Variants in FRMPD4 observed in about 807,000 individuals in gnomAD.
FRMPD4 encodes the protein FERM and PDZ domain containing 4.
A neutral mutation model predicts 94.1 loss-of-function variants in FRMPD4; 22 were observed. That is an observed-to-expected ratio of 0.23 (90% CI 0.17 to 0.33). The LOEUF (loss-of-function observed/expected upper bound fraction) is 0.33. FRMPD4 is among the 10% of genes least tolerant of loss of function. The pLI, the probability that FRMPD4 is intolerant of heterozygous loss-of-function variation, is 1.00. For missense variants in FRMPD4, 1,111 were observed against 1,339.9 expected, an observed-to-expected ratio of 0.83 and a Z score of 2.67; for synonymous variants, 631 against 548.6, an observed-to-expected ratio of 1.15 and a Z score of -2.10.
chrX:11,825,250 C>T (rs1453847752), intron 1 of FRMPD4, among the ~76,000 whole-genome samples: 2 of 100,101 alleles, frequency 2.0e-5, no homozygotes, highest in Admixed American at 2.2e-4. Flanking sequence ...TCTCTTCACT[C>T]ATCTCGTGCC....
chrX:12,377,427 G>A (rs1268205680), intron 1 of FRMPD4, among the ~76,000 whole-genome samples: 1 of 112,312 alleles, frequency 8.9e-6, no homozygotes, highest in African/African-American at 3.2e-5. Flanking sequence ...TTTCATTAAG[G>A]TTGTGTTTAG....
chrX:12,038,982 T>C (rs918777627), intron 3 of FRMPD4, among the ~76,000 whole-genome samples: 2 of 108,924 alleles, frequency 1.8e-5, no homozygotes, highest in Non-Finnish European at 3.8e-5. Context: ...TTCTAATTTC[T>C]TTCTCTTTTT....
intron 3 of FRMPD4, among the ~76,000 whole-genome samples, chrX:12,066,871 G>GTTTTTTTTTTTTTTTTTTTT (rs201251837): frequency 1.0e-4 from 10 of 100,077 alleles, no homozygotes; most frequent in East Asian, 3.4e-4. Context: ...TTTTGTTTTT[G>GTTTTTTTTTTTTTTTTTTTT]TTTTTGTTTT....
At chrX:12,308,113 G>A (rs2054972961) in intron 1 of FRMPD4, among the ~76,000 whole-genome samples, 1 of 111,809 alleles carries the variant, frequency 8.9e-6, no homozygotes, top group South Asian at 3.8e-4. Flanking sequence ...GCATGCTCCT[G>A]CTCCCTTTGT....
intron 1 of FRMPD4, among the ~76,000 whole-genome samples, chrX:12,164,300 G>GT (rs933704479): frequency 3.6e-5 from 4 of 110,217 alleles, no homozygotes; most frequent in Non-Finnish European, 7.6e-5. Context: ...TGCGGTGTTT[G>GT]TTTTTTTTGT....
At chrX:11,828,949 G>T (rs377110264) in intron 1 of FRMPD4, among the ~76,000 whole-genome samples, 9 of 112,026 alleles carry the variant, frequency 8.0e-5, no homozygotes, top group African/African-American at 9.7e-5. Flanking sequence ...GAGCGAGCAG[G>T]CTCAAGCTCC....
chrX:12,720,053 A>AGGAAAGGAAAGGAAAGGAAAGGAAAG (rs11389537), intron 16 of FRMPD4, among the ~76,000 whole-genome samples: 4 of 41,542 alleles, frequency 9.6e-5, no homozygotes, highest in African/African-American at 3.1e-4. Context: ...AGGAAAGGAA[A>AGGAAAGGAAAGGAAAGGAAAGGAAAG]GAAAGAAAGA....
chrX:12,364,128 C>G (rs1359672517), intron 1 of FRMPD4, among the ~76,000 whole-genome samples: 1 of 109,969 alleles, frequency 9.1e-6, no homozygotes, highest in African/African-American at 3.4e-5. Context: ...ACCCCCAAGC[C>G]CTACCCCACT....
intron 2 of FRMPD4, among the ~76,000 whole-genome samples, chrX:12,570,722 G>A (rs1249262766): frequency 9.0e-6 from 1 of 111,629 alleles, no homozygotes; most frequent in Non-Finnish European, 1.9e-5. Flanking sequence ...GCCTGGAACC[G>A]AGGATACTAC....
At chrX:12,470,646 T>G (rs1433437073) in intron 1 of FRMPD4, among the ~76,000 whole-genome samples, 1 of 112,140 alleles carries the variant, frequency 8.9e-6, no homozygotes, top group East Asian at 2.8e-4. Flanking sequence ...TTATAATCAT[T>G]TGTGTTCATT....
intron 3 of FRMPD4, among the ~76,000 whole-genome samples, chrX:12,131,044 A>G (rs981527069): frequency 9.0e-6 from 1 of 111,557 alleles, no homozygotes; most frequent in African/African-American, 3.3e-5. Context: ...ACAAGAGGAG[A>G]TTCAGTGGGA....
chrX:11,950,789 G>T (rs1383700331), intron 3 of FRMPD4, among the ~76,000 whole-genome samples: 3 of 111,233 alleles, frequency 2.7e-5, no homozygotes, highest in Non-Finnish European at 5.7e-5. Flanking sequence ...TGGGCGCAGT[G>T]GCTCACATCT....
intron 1 of FRMPD4, among the ~76,000 whole-genome samples, chrX:12,231,696 C>A (rs777345321): frequency 3.6e-5 from 4 of 111,663 alleles, no homozygotes; most frequent in Non-Finnish European, 5.6e-5. Context: ...TACTGCGATT[C>A]TGTGTGTTAT....
chrX:12,416,959 G>C (rs1488542766), intron 1 of FRMPD4, among the ~76,000 whole-genome samples: 2 of 111,440 alleles, frequency 1.8e-5, no homozygotes, highest in Non-Finnish European at 3.8e-5. Context: ...GTCATCCAGA[G>C]ACTATTCCTA....
intron 3 of FRMPD4, among the ~76,000 whole-genome samples, chrX:11,970,295 T>G (rs959196038): frequency 8.9e-6 from 1 of 112,193 alleles, no homozygotes; most frequent in Non-Finnish European, 1.9e-5. Context: ...GGTGATCTTC[T>G]CTTCTTATAG....
chrX:12,540,152 C>T (rs531129939), intron 2 of FRMPD4, among the ~76,000 whole-genome samples: 13 of 112,223 alleles, frequency 1.2e-4, no homozygotes, highest in African/African-American at 4.2e-4. Context: ...ACTGCAAAGA[C>T]CATCGATGCT....
At chrX:12,594,367 T>G (rs983163887) in intron 2 of FRMPD4, among the ~76,000 whole-genome samples, 2 of 112,031 alleles carry the variant, frequency 1.8e-5, no homozygotes, top group African/African-American at 6.5e-5. Context: ...GTGTATGGTA[T>G]GTGTGTGAAT....
At position 11,898,728 on chromosome X, in the gene FRMPD4, T is replaced by G. The variant is rs910227050; in HGVS notation, c.95+20710T>G. On this transcript the variant is annotated intron_variant, in intron 3 of 18. Coordinates refer to the FRMPD4 transcript ENST00000640291. ...TAGTAATTATCCAGATGAGAGAATATGGGGGAGTCAGACTAGGTGGAAGCT... is the reference window on the plus strand; with the variant it reads ...TAGTAATTATCCAGATGAGAGAATAGGGGGGAGTCAGACTAGGTGGAAGCT... Among the ~76,000 whole-genome samples, 12 of 111,344 alleles carry G rather than the reference T, an allele frequency of 1.1e-4. No individual in the cohort carries two copies. The Admixed American group carries it at 1.1e-3, about 11-fold the overall frequency.
intron 1 of FRMPD4, among the ~76,000 whole-genome samples, chrX:12,224,887 C>T (rs183340705): frequency 7.5e-4 from 84 of 111,504 alleles, no homozygotes; most frequent in African/African-American, 2.5e-3. Context: ...ATATGTATCA[C>T]CTCTTAGTTT....
Sources: allele counts gnomAD v4.1 joint callset (sites outside exome capture counted in the v4.1 genomes callset), GRCh38; gene constraint gnomAD v4.1.1; transcripts MANE v1.5; gene names NCBI Gene and HGNC (gene_info 2026-07-23, HGNC 2026-07-21).